Variants in SYNE3 observed in about 807,000 individuals in gnomAD.
The protein encoded by SYNE3 is spectrin repeat containing nuclear envelope family member 3.
SYNE3 carries 100 observed loss-of-function variants against 111.2 expected under a neutral mutation model. The ratio of observed to expected loss-of-function variants is 0.90; its 90% confidence interval spans 0.77 to 1.06. SYNE3 has a LOEUF of 1.06. Among genes scored for constraint, SYNE3 ranks in the 50% least tolerant of loss-of-function variants. The pLI is 0.00. For synonymous variants in SYNE3, 547 were observed against 533.9 expected (o/e 1.02, Z -0.34); for missense variants, 1,160 against 1,240.3 (o/e 0.94, Z 0.97).
chr14:95,478,715 C>A (rs1285687043), intron 1 of SYNE3, among the ~76,000 whole-genome samples: 1 of 152,182 alleles, frequency 6.6e-6, no homozygotes, highest in African/African-American at 2.4e-5. Context: ...CTGTCTCGGG[C>A]CACATACAGT....
At chr14:95,505,452 T>A (rs1322920141) in intron 1 of SYNE3, among the ~76,000 whole-genome samples, 2 of 152,218 alleles carry the variant, frequency 1.3e-5, no homozygotes, top group Admixed American at 1.3e-4. Context: ...GTTAGCGATC[T>A]CATTGGGCAG....
At chr14:95,514,593 T>C (rs1566694293) in intron 1 of SYNE3, among the ~76,000 whole-genome samples, 1 of 152,242 alleles carries the variant, frequency 6.6e-6, no homozygotes, top group Non-Finnish European at 1.5e-5. Context: ...CATGAGGCCC[T>C]GCGAGGCAAC....
intron 7 of SYNE3, 100 bp downstream of exon 7, chr14:95,452,147 G>T: frequency 1.5e-6 from 2 of 1,362,358 alleles, no homozygotes; most frequent in South Asian, 3.2e-5. Flanking sequence ...TGATTTAGAA[G>T]TTACTATGTT....
rs1374019722 is a variant in SYNE3 at position 95,500,977 on chromosome 14, G to T, written c.-15+15619C>A. 2.0e-5 allele frequency among the ~76,000 whole-genome samples: 3 copies of T among 152,222 alleles called. No homozygotes were observed. The highest frequency in any genetic ancestry group is 2.9e-5 in the Non-Finnish European group (2 of 68,036). The stretch of plus-strand genomic sequence containing the variant: ...TTCTCTCTCCTCTCAGACAATACTG[G>T]CTTTAATGAATTTCTCTAAAGGGAC... On this transcript the variant is annotated intron_variant, in intron 1 of 17. Transcript: ENST00000682763. The surrounding 1 kb of genome is among the most constrained non-coding windows in gnomAD (Gnocchi z 4.7).
At position 95,407,988 on chromosome 14, in the gene SYNE3, G is replaced by A. The variant is rs1191354118; in HGVS notation, c.*9838C>T. 2 of 152,188 alleles carry A rather than the reference G, an allele frequency of 1.3e-5. No individual in the cohort carries two copies. The highest frequency in any genetic ancestry group is 6.5e-5 in the Admixed American group (1 of 15,276). 9.4% of individuals were successfully genotyped at this position (152,188 alleles called of 1,614,324 possible). On this transcript the variant is annotated 3_prime_UTR_variant, in exon 18 of 18. Coordinates refer to ENST00000682763, the MANE Select transcript of SYNE3 (RefSeq NM_152592.6). ...CGTTTATGCAGAGGTTGGACTCAAG[G>A]CGATCGCAGCACTCAATCTGGTGTG...
chr14:95,411,490 G>A lies in SYNE3; in HGVS notation c.*6336C>T, dbSNP rs139686075. ...TGAGGTCCATTGGGTCAGAGAGTGGGGAGTGGGAAAGGTTGGTGATCAACT... is the reference window on the plus strand; with the variant it reads ...TGAGGTCCATTGGGTCAGAGAGTGGAGAGTGGGAAAGGTTGGTGATCAACT... On this transcript the variant is annotated 3_prime_UTR_variant, in exon 18 of 18. Coordinates refer to ENST00000682763, the MANE Select transcript of SYNE3 (RefSeq NM_152592.6). The A allele has an allele frequency of 2.6e-5, 4 of 152,302 alleles. No individual in the cohort carries two copies. The East Asian group carries it at 7.7e-4, about 29-fold the overall frequency. The allele number at this position is 152,302 out of a possible 1,614,324, so 9.4% of individuals were successfully genotyped here. A position where few individuals can be genotyped will look rare whatever the true frequency, so the allele number is the denominator to read the frequency against.
At chr14:95,426,469 C>G (rs1035421876) in intron 17 of SYNE3, among the ~76,000 whole-genome samples, 4 of 152,126 alleles carry the variant, frequency 2.6e-5, no homozygotes, top group Non-Finnish European at 5.9e-5. Context: ...GAGAAGGGGC[C>G]AAGGGGCCCA....
rs966123024 is a variant in SYNE3, at chr14:95,439,890, T to C, written c.2073+24A>G. The C allele has an allele frequency of 5.6e-6, 9 of 1,602,898 alleles. No homozygotes were observed. In the East Asian group the frequency reaches 2.0e-4, roughly 36 times the overall value. On this transcript the variant is annotated intron_variant, in intron 12 of 17. Coordinates refer to ENST00000682763, the MANE Select transcript of SYNE3 (RefSeq NM_152592.6). ...CTGTCAAGGCTGCTTCTTTGGGAAG[T>C]GGGTGAGGGAACCACCGCCTTACCT...
chr14:95,464,541 A>G (rs1888042863), intron 4 of SYNE3, among the ~76,000 whole-genome samples: 1 of 152,190 alleles, frequency 6.6e-6, no homozygotes, highest in Admixed American at 6.5e-5. Flanking sequence ...AAAAAAACCA[A>G]TCACCCTTCA....
chr14:95,449,738 G>A lies in SYNE3; in HGVS notation c.1449+193C>T, dbSNP rs146940199. The A allele has an allele frequency of 2.0e-3, 1,891 of 967,992 alleles. 3 individuals carry two copies. Among genetic ancestry groups the A allele is most frequent in the Non-Finnish European group, 2.2e-3 (1,773 of 814,064 alleles). 60.0% of individuals were successfully genotyped at this position (967,992 alleles called of 1,614,324 possible). A position where few individuals can be genotyped will look rare whatever the true frequency, so the allele number is the denominator to read the frequency against. On this transcript the variant is annotated intron_variant, in intron 8 of 17. Transcript: ENST00000682763. ...CCCCGGGTTAACCCCCAGGAGCCGA[G>A]CTGACCTTTGTCAGTGTAACAAGCA...
intron 2 of SYNE3, among the ~76,000 whole-genome samples, chr14:95,474,238 C>A (rs1468491072): frequency 1.3e-5 from 2 of 152,208 alleles, no homozygotes; most frequent in African/African-American, 4.8e-5. Context: ...CTTTTGAAGC[C>A]AGGTGAAGTT....
chr14:95,455,768 G>T (rs773585724), intron 5 of SYNE3, 44 bp from the exon 6 acceptor site: 1 of 1,583,486 alleles, frequency 6.3e-7, no homozygotes. Context: ...CAGGGAAAAA[G>T]AATACAGTTG....
chr14:95,461,971 G>T (rs562439232), intron 4 of SYNE3, among the ~76,000 whole-genome samples: 1 of 152,218 alleles, frequency 6.6e-6, no homozygotes, highest in Non-Finnish European at 1.5e-5. Context: ...AATGCCGGGG[G>T]CTGCATCCCA....
At chr14:95,495,027 G>A (rs756013109) in intron 1 of SYNE3, among the ~76,000 whole-genome samples, 3 of 151,966 alleles carry the variant, frequency 2.0e-5, no homozygotes, top group East Asian at 3.9e-4. Context: ...CAGGAGAATC[G>A]CTTGAACCTG....
chr14:95,486,512 G>A (rs1446618444), intron 1 of SYNE3, among the ~76,000 whole-genome samples: 1 of 152,114 alleles, frequency 6.6e-6, no homozygotes. Context: ...TGGCTGGCTG[G>A]CCCTGCCTTC....
chr14:95,461,726 C>G (rs753333655), intron 4 of SYNE3, among the ~76,000 whole-genome samples: 1 of 152,254 alleles, frequency 6.6e-6, no homozygotes, highest in African/African-American at 2.4e-5. Context: ...GGCCAGGCCT[C>G]GACCCCCAGG....
At chr14:95,449,679 G>C (rs1886938016) in intron 8 of SYNE3, 2 of 985,054 alleles carry the variant, frequency 2.0e-6, no homozygotes, top group Non-Finnish European at 2.4e-6. Context: ...CTCCACCTGG[G>C]AGATGCTTGC....
intron 2 of SYNE3, 65 bp from the exon 3 acceptor site, chr14:95,468,032 G>T (rs17756036): frequency 0.028 from 42,895 of 1,534,332 alleles, 764 homozygotes; most frequent in Non-Finnish European, 0.034. Context: ...ACCTTGGGAA[G>T]ATAGTGGCAT....
At chr14:95,441,571 C>T (rs1045682326) in intron 11 of SYNE3, among the ~76,000 whole-genome samples, 1 of 152,188 alleles carries the variant, frequency 6.6e-6, no homozygotes, top group African/African-American at 2.4e-5. Context: ...TTTGCAACAC[C>T]GAGTGATGCT....
Sources: gnomAD v4.1 joint callset for allele counts (sites outside exome capture counted in the v4.1 genomes callset) on GRCh38, gnomAD v4.1.1 for gene constraint, Gnocchi (gnomAD v3.1) non-coding constraint, MANE v1.5 for transcripts, NCBI Gene and HGNC (gene_info 2026-07-23, HGNC 2026-07-21) for gene names.